OTUD7A: variants seen among roughly 807,000 people sequenced by gnomAD.
OTUD7A encodes the protein OTU domain-containing protein 7A.
Under a neutral mutation model 65.7 loss-of-function variants are expected in OTUD7A, and 12 were observed. That is an observed-to-expected ratio of 0.18 (90% CI 0.12 to 0.30). OTUD7A has a LOEUF of 0.30. Ranked by LOEUF, OTUD7A falls within the 10% of genes least tolerant of loss-of-function variation. The probability of loss-of-function intolerance (pLI) is 1.00; values close to 1 mark genes in which losing one functional copy is unlikely to be tolerated. For missense variants in OTUD7A, 1,148 were observed against 1,304.8 expected (o/e 0.88, Z 1.85); for synonymous variants, 641 against 586.3 (o/e 1.09, Z -1.35).
intron 3 of OTUD7A, among the ~76,000 whole-genome samples, chr15:31,647,612 C>T (rs961474050): frequency 3.3e-5 from 5 of 152,098 alleles, no homozygotes; most frequent in Non-Finnish European, 7.3e-5. Flanking sequence ...CACACTCATA[C>T]CTGCTTCCTT....
At chr15:31,693,709 A>G (rs909752731) in intron 1 of OTUD7A, among the ~76,000 whole-genome samples, 2 of 152,156 alleles carry the variant, frequency 1.3e-5, no homozygotes, top group African/African-American at 4.8e-5. Flanking sequence ...GTGAAAGCCC[A>G]AAGAGGCTGT....
intron 3 of OTUD7A, among the ~76,000 whole-genome samples, chr15:31,590,073 ACAATGGTATT>A (rs1889673436): frequency 6.6e-6 from 1 of 152,214 alleles, no homozygotes; most frequent in Admixed American, 6.5e-5. Flanking sequence ...CAGACCACAT[ACAATGGTATT>A]CTCACAAGAG....
At chr15:31,710,080 G>T (rs1271148069) in intron 1 of OTUD7A, among the ~76,000 whole-genome samples, 1 of 152,108 alleles carries the variant, frequency 6.6e-6, no homozygotes, top group Non-Finnish European at 1.5e-5. Flanking sequence ...AGAGTCACTG[G>T]TCACCACGAG....
rs2041129796 is a variant in OTUD7A at position 31,482,094 on chromosome 15, A to T, written c.*1200T>A. On this transcript the variant is annotated 3_prime_UTR_variant, in exon 13 of 13. Transcript: ENST00000307050. Reference sequence around the variant, plus strand: ...GAGGCTGCATATTGCTGCTCAAAACAGGGTAGCTAAGGACACATTTTTTTT... The same window carrying T: ...GAGGCTGCATATTGCTGCTCAAAACTGGGTAGCTAAGGACACATTTTTTTT... 1 of 152,226 alleles carries T rather than the reference A, an allele frequency of 6.6e-6. No individual in the cohort carries two copies. The highest frequency in any genetic ancestry group is 2.4e-5 in the African/African-American group (1 of 41,450). 9.4% of individuals were successfully genotyped at this position (152,226 alleles called of 1,614,324 possible).
intron 5 of OTUD7A, 23 bp from the exon 6 acceptor site, chr15:31,530,831 A>T (rs1477153151): frequency 6.2e-7 from 1 of 1,604,558 alleles, no homozygotes; most frequent in Non-Finnish European, 8.5e-7. Flanking sequence ...CTCACTTTAG[A>T]ACAGGATCCC....
chr15:31,564,111 A>T (rs1297934519), intron 4 of OTUD7A, among the ~76,000 whole-genome samples: 1 of 44,400 alleles, frequency 2.3e-5, no homozygotes, highest in Non-Finnish European at 4.9e-5. Flanking sequence ...ACTTGGGATT[A>T]AAAAAAATGT....
intron 1 of OTUD7A, among the ~76,000 whole-genome samples, chr15:31,859,795 T>C (rs899970920): frequency 2.6e-5 from 4 of 152,202 alleles, no homozygotes; most frequent in Non-Finnish European, 5.9e-5. Context: ...ATTTTTAAAG[T>C]ACCCCTATCG....
At chr15:31,569,867 C>T (rs189414957) in intron 4 of OTUD7A, 151 bp downstream of exon 4, 18 of 761,752 alleles carry the variant, frequency 2.4e-5, no homozygotes, top group East Asian at 1.6e-4. Context: ...AAGGACATTT[C>T]GGCATAGTGT....
chr15:31,611,365 C>A (rs556354216), intron 3 of OTUD7A, among the ~76,000 whole-genome samples: 63 of 152,106 alleles, frequency 4.1e-4, no homozygotes, highest in Non-Finnish European at 4.4e-5. Context: ...ATAAATGAAA[C>A]AAAAAGCTGG....
intron 1 of OTUD7A, among the ~76,000 whole-genome samples, chr15:31,805,575 T>G (rs8026880): frequency 0.94 from 142,572 of 152,316 alleles, 67,444 homozygotes; most frequent in East Asian, 1. Context: ...TCTGTCTTTA[T>G]AGAGAGGCAT....
chr15:31,863,186 T>C (rs1897789168), intron 1 of OTUD7A, among the ~76,000 whole-genome samples: 2 of 152,222 alleles, frequency 1.3e-5, no homozygotes, highest in African/African-American at 4.8e-5. Context: ...GCCTCCCTCC[T>C]GGCTGCTTTC....
intron 1 of OTUD7A, among the ~76,000 whole-genome samples, chr15:31,825,239 C>T (rs1054881494): frequency 7.9e-5 from 12 of 152,214 alleles, no homozygotes; most frequent in African/African-American, 2.9e-4. Context: ...ATACCTGAGA[C>T]TGCGCAATTT....
intron 1 of OTUD7A, among the ~76,000 whole-genome samples, chr15:31,849,124 C>G (rs901560216): frequency 1.3e-5 from 2 of 152,160 alleles, no homozygotes; most frequent in Admixed American, 1.3e-4. Flanking sequence ...CCCGACCTTT[C>G]TCTCTGGCTG....
chr15:31,559,390 T>C (rs1173552561), intron 4 of OTUD7A, among the ~76,000 whole-genome samples: 1 of 152,108 alleles, frequency 6.6e-6, no homozygotes, highest in Non-Finnish European at 1.5e-5. Flanking sequence ...TGTTCACACA[T>C]ATATACTACA....
rs2041467522 is a variant in OTUD7A at position 31,501,679 on chromosome 15, G to A, written c.1171+11C>T. ...GGCTCCTGCGTGCACTCTCTTGGGA[G>A]ACAGGCATACCTTGTTCTCTTTGCT... On this transcript the variant is annotated intron_variant, in intron 10 of 12. Coordinates refer to ENST00000307050, the MANE Select transcript of OTUD7A (RefSeq NM_001382637.1). 1 of 1,614,028 alleles carries A rather than the reference G, an allele frequency of 6.2e-7. No homozygotes were observed. Among genetic ancestry groups the A allele is most frequent in the Admixed American group, 1.7e-5 (1 of 59,998 alleles).
At chr15:31,714,382 C>G (rs1893529232) in intron 1 of OTUD7A, among the ~76,000 whole-genome samples, 1 of 152,030 alleles carries the variant, frequency 6.6e-6, no homozygotes, top group Non-Finnish European at 1.5e-5. Flanking sequence ...ATAGGCAAAA[C>G]TGCAGGTGAG....
At chr15:31,627,164 T>G (rs571817426) in intron 3 of OTUD7A, among the ~76,000 whole-genome samples, 2 of 152,166 alleles carry the variant, frequency 1.3e-5, no homozygotes, top group South Asian at 4.2e-4. Flanking sequence ...CATGTATGCA[T>G]GTGCCATGCT....
At chr15:31,587,563 C>T (rs1889583507) in intron 3 of OTUD7A, among the ~76,000 whole-genome samples, 2 of 151,940 alleles carry the variant, frequency 1.3e-5, no homozygotes, top group Admixed American at 1.3e-4. Flanking sequence ...ATTGCTTGAA[C>T]CCAGGGGGAG....
At position 31,870,564 on chromosome 15, in the gene OTUD7A, G is replaced by T; in HGVS notation, c.-157C>A. On this transcript the variant is annotated 5_prime_UTR_variant, in exon 1 of 13. Transcript: ENST00000307050. ...CGCAGCGCCGCAGTCGCCGCTACCC[G>T]ACTTCCATTTTCTCTCGCTTTAAAG... 1.4e-5 allele frequency: 2 copies of T among 147,810 alleles called. No homozygotes were observed. Among genetic ancestry groups the T allele is most frequent in the South Asian group, 3.9e-4 (2 of 5,090 alleles). The allele number at this position is 147,810 out of a possible 1,614,324, so 9.2% of individuals were successfully genotyped here.
Sources: allele counts gnomAD v4.1 joint callset (sites outside exome capture counted in the v4.1 genomes callset), GRCh38; gene constraint gnomAD v4.1.1; transcripts MANE v1.5; gene names NCBI Gene and HGNC (gene_info 2026-07-23, HGNC 2026-07-21).